THSD7B: variants seen among roughly 807,000 people sequenced by gnomAD.
THSD7B encodes the protein thrombospondin type 1 domain containing 7B, also known as thrombospondin type-1 domain-containing protein 7B.
In THSD7B, 138 loss-of-function variants were observed where a neutral mutation model predicts 213.6. The ratio of observed to expected loss-of-function variants is 0.65; its 90% CI spans 0.56 to 0.74. THSD7B has a LOEUF of 0.74. Ranked by LOEUF, THSD7B falls within the 30% of genes least tolerant of loss-of-function variation. The pLI is 0.00. For synonymous variants in THSD7B, 742 were observed against 687.0 expected (o/e 1.08, Z -1.25); for missense variants, 1,931 against 1,991.5 (o/e 0.97, Z 0.58).
intron 5 of THSD7B, 109 bp downstream of exon 5, chr2:137,115,402 T>A: frequency 8.2e-7 from 1 of 1,220,340 alleles, no homozygotes; most frequent in Non-Finnish European, 1.1e-6. Context: ...TTCACACATT[T>A]AATATTTATT....
chr2:137,367,784 C>A (rs955564017), intron 12 of THSD7B, among the ~76,000 whole-genome samples: 4 of 152,134 alleles, frequency 2.6e-5, no homozygotes, highest in Non-Finnish European at 5.9e-5. Context: ...GGCCTTTCCT[C>A]AGTGTGTGCG....
At chr2:137,374,697 G>A (rs1685612967) in intron 12 of THSD7B, among the ~76,000 whole-genome samples, 1 of 152,158 alleles carries the variant, frequency 6.6e-6, no homozygotes, top group South Asian at 2.1e-4. Context: ...AGCTGGCTAT[G>A]CTAATCTTGC....
intron 15 of THSD7B, among the ~76,000 whole-genome samples, chr2:137,504,801 A>G (rs976629131): frequency 2.6e-5 from 4 of 152,192 alleles, no homozygotes; most frequent in Non-Finnish European, 5.9e-5. Flanking sequence ...GCTGCCAAGT[A>G]AAATAGTATA....
intron 2 of THSD7B, among the ~76,000 whole-genome samples, chr2:136,914,308 A>G (rs1684315888): frequency 6.6e-6 from 1 of 152,220 alleles, no homozygotes; most frequent in African/African-American, 2.4e-5. Flanking sequence ...TTTTGATTTT[A>G]CAGGCTCATA....
At chr2:137,258,590 C>T (rs950870548) in intron 10 of THSD7B, among the ~76,000 whole-genome samples, 1 of 151,774 alleles carries the variant, frequency 6.6e-6, no homozygotes, top group African/African-American at 2.4e-5. Context: ...ACCTTCTCCC[C>T]TGCCACCACT....
chr2:137,489,827 A>G lies in THSD7B; in HGVS notation c.3138+38804A>G, dbSNP rs1688564329. On this transcript the variant is annotated intron_variant, in intron 15 of 27. Transcript: ENST00000409968. ...ATATTTTAAACCACTGATAGTTTAAAGAAAAAAACCTCTCCCTCCTTTACT... is the reference window on the plus strand; with the variant it reads ...ATATTTTAAACCACTGATAGTTTAAGGAAAAAAACCTCTCCCTCCTTTACT... Among the ~76,000 whole-genome samples, 3 of 152,334 alleles carry G rather than the reference A, an allele frequency of 2.0e-5. No individual in the cohort carries two copies. In the East Asian group the frequency reaches 5.8e-4, roughly 29 times the overall value.
At chr2:137,586,413 G>T (rs1681729274) in intron 17 of THSD7B, among the ~76,000 whole-genome samples, 1 of 151,958 alleles carries the variant, frequency 6.6e-6, no homozygotes, top group Admixed American at 6.6e-5. Flanking sequence ...ATTAGTTGAT[G>T]CAATTTCTTC....
At chr2:136,934,180 T>A (rs1684680988) in intron 2 of THSD7B, among the ~76,000 whole-genome samples, 1 of 152,210 alleles carries the variant, frequency 6.6e-6, no homozygotes, top group African/African-American at 2.4e-5. Context: ...AGAAACTTTT[T>A]ATAGTAAATG....
intron 12 of THSD7B, among the ~76,000 whole-genome samples, chr2:137,323,014 G>A (rs1367069041): frequency 6.6e-6 from 1 of 152,080 alleles, no homozygotes; most frequent in African/African-American, 2.4e-5. Context: ...GGCTTTTGTC[G>A]CTATGTGGCT....
Position 136,989,952 on chromosome 2 carries a change from T to A in THSD7B, c.140-66468T>A, listed in dbSNP as rs191389530. On this transcript the variant is annotated intron_variant, in intron 2 of 27. Transcript: ENST00000409968. ...GTTTCACACATGTGAATTCTTAACT[T>A]GATGCTTTCTTTCTTTATTCTGTGT... Among the ~76,000 whole-genome samples the A allele has an allele frequency of 9.8e-5, 15 of 152,354 alleles. No individual in the cohort carries two copies. In the East Asian group the frequency reaches 1.9e-3, roughly 20 times the overall value.
At chr2:137,585,222 TTC>T (rs1379115583) in intron 17 of THSD7B, among the ~76,000 whole-genome samples, 4 of 152,182 alleles carry the variant, frequency 2.6e-5, no homozygotes, top group African/African-American at 7.2e-5. Flanking sequence ...TGTTTGATTC[TTC>T]TCTCTTTTTT....
At chr2:137,381,907 G>A (rs927243718) in intron 12 of THSD7B, among the ~76,000 whole-genome samples, 10 of 152,156 alleles carry the variant, frequency 6.6e-5, no homozygotes, top group African/African-American at 2.4e-4. Context: ...TGGCCAAGGT[G>A]CTTGGCCACT....
At chr2:137,343,836 G>A (rs1232382914) in intron 12 of THSD7B, among the ~76,000 whole-genome samples, 6 of 151,708 alleles carry the variant, frequency 4.0e-5, no homozygotes, top group Non-Finnish European at 7.4e-5. Flanking sequence ...ATAATTTAAC[G>A]AATGCATAAC....
chr2:137,271,437 T>A (rs1192430037), intron 10 of THSD7B, among the ~76,000 whole-genome samples: 1 of 135,204 alleles, frequency 7.4e-6, no homozygotes, highest in Non-Finnish European at 1.6e-5. Flanking sequence ...ATAATATATA[T>A]AATATAATAT....
chr2:137,035,623 G>C (rs1388318591), intron 2 of THSD7B, among the ~76,000 whole-genome samples: 1 of 151,920 alleles, frequency 6.6e-6, no homozygotes, highest in Non-Finnish European at 1.5e-5. Flanking sequence ...CTCATGATAG[G>C]TGGTAGAATG....
intron 5 of THSD7B, among the ~76,000 whole-genome samples, chr2:137,130,978 A>C (rs567241296): frequency 1.9e-3 from 295 of 151,698 alleles, no homozygotes; most frequent in African/African-American, 6.9e-3. Context: ...TGGTTGAACT[A>C]GTTTACAGTC....
At chr2:137,262,210 A>G (rs770849198) in intron 10 of THSD7B, among the ~76,000 whole-genome samples, 21 of 152,194 alleles carry the variant, frequency 1.4e-4, no homozygotes, top group Non-Finnish European at 2.6e-4. Flanking sequence ...TTTTTCAGAT[A>G]TATAGTTCAA....
chr2:137,165,520 T>C (rs1680109404), intron 6 of THSD7B, among the ~76,000 whole-genome samples: 2 of 152,106 alleles, frequency 1.3e-5, no homozygotes. Context: ...TGTCCCATGA[T>C]TCTACTGTGA....
intron 12 of THSD7B, among the ~76,000 whole-genome samples, chr2:137,296,619 A>G (rs2104840361): frequency 6.6e-6 from 1 of 152,302 alleles, no homozygotes; most frequent in Non-Finnish European, 1.5e-5. Flanking sequence ...TTAATTACCA[A>G]TACTACCATT....
Sources: gnomAD v4.1 joint callset for allele counts (sites outside exome capture counted in the v4.1 genomes callset) on GRCh38, gnomAD v4.1.1 for gene constraint, MANE v1.5 for transcripts, NCBI Gene and HGNC (gene_info 2026-07-23, HGNC 2026-07-21) for gene names.